Variants in UBFD1 observed in about 807,000 individuals in gnomAD.
The protein encoded by UBFD1 is ubiquitin domain-containing protein UBFD1.
A neutral mutation model predicts 35.1 loss-of-function variants in UBFD1; 12 were observed. The observed-to-expected ratio is 0.34, with a 90% CI of 0.22 to 0.55. The LOEUF is 0.55. UBFD1 is among the 20% of genes least tolerant of loss of function. The pLI, the probability that UBFD1 is intolerant of heterozygous loss-of-function variation, is 0.89. For synonymous variants in UBFD1, 178 were observed against 167.6 expected, an observed-to-expected ratio of 1.06 and a Z score of -0.48; for missense variants, 337 against 410.8, an observed-to-expected ratio of 0.82 and a Z score of 1.55.
intron 6 of UBFD1, 75 bp from the exon 7 acceptor site, chr16:23,570,405 C>G: frequency 9.5e-7 from 1 of 1,053,702 alleles, no homozygotes. Flanking sequence ...CATCCCAACC[C>G]TCACCCATGT....
At chr16:23,566,309 C>A (rs12447847) in intron 5 of UBFD1, 48,657 of 151,912 alleles carry the variant, frequency 0.32, 9,663 homozygotes, top group Non-Finnish European at 0.43. Context: ...AGACCTTAGT[C>A]AATGCTGGGC....
Position 23,558,025 on chromosome 16 carries a change from T to C in UBFD1, c.101T>C (p.Leu34Pro). The change falls in exon 2 of 7, where the codon CTG becomes CCG. Residue 34 changes from leucine (L) to proline (P), a missense_variant. Leu to Pro is a moderately conservative substitution (Grantham distance 98). Around this residue, in one of 4 missense-constraint regions of UBFD1, gnomAD observed 198 missense variants for 168.4 expected, o/e 1.18. Coordinates refer to ENST00000395878, the MANE Select transcript of UBFD1 (RefSeq NM_019116.3). Reference sequence around the variant, plus strand: ...GCTCCCGCGCGGCCCGTCAACTGCCTGGAGGCTGAAGCCGCGGCGGGGGCG... The same window carrying C: ...GCTCCCGCGCGGCCCGTCAACTGCCCGGAGGCTGAAGCCGCGGCGGGGGCG... ...TEAPARPVNC[L>P]EAEAAAGAAA... 7.4e-7 allele frequency: 1 copy of C among 1,357,248 alleles called. No individual in the cohort carries two copies. The highest frequency in any genetic ancestry group is 9.4e-7 in the Non-Finnish European group (1 of 1,059,336). 84.1% of individuals were successfully genotyped at this position (1,357,248 alleles called of 1,614,324 possible).
chr16:23,567,154 C>T (rs1055054583), intron 6 of UBFD1, 85 bp downstream of exon 6: 16 of 1,293,342 alleles, frequency 1.2e-5, no homozygotes, highest in African/African-American at 5.9e-5. Context: ...GCTTGTTTAA[C>T]GGAAGAAAAC....
At chr16:23,559,929 C>G in intron 3 of UBFD1, 2 of 1,458,304 alleles carry the variant, frequency 1.4e-6, no homozygotes, top group East Asian at 5.0e-5. Flanking sequence ...AGGCTTCAGA[C>G]CATGTGTTGA....
In UBFD1 at chr16:23,558,200, G is replaced by T. The variant is rs747314835; in HGVS notation, c.276G>T (p.Trp92Cys). 3 of 1,611,084 alleles carry T rather than the reference G, an allele frequency of 1.9e-6. No homozygotes were observed. In the South Asian group the frequency reaches 3.3e-5, roughly 18 times the overall value. ...GRELVDLKIIWNKTKHDVKFP... is the reference protein window; with the variant it reads ...GRELVDLKIICNKTKHDVKFP... Reference sequence around the variant, plus strand: ...AGCTGGTGGACTTGAAGATCATCTGGAATAAGACCAAGCATGACGTGAAGT... The same window carrying T: ...AGCTGGTGGACTTGAAGATCATCTGTAATAAGACCAAGCATGACGTGAAGT... Residue 92 changes from tryptophan to cysteine, a missense_variant, in exon 2 of 7, where the codon TGG (tryptophan) becomes TGT (cysteine). This residue lies in a region of UBFD1 where 198 missense variants were observed against 168.4 expected (regional missense o/e 1.18). Coordinates refer to ENST00000395878, the MANE Select transcript of UBFD1 (RefSeq NM_019116.3).
At chr16:23,563,204 C>T (rs1250362047) in intron 5 of UBFD1, among the ~76,000 whole-genome samples, 2 of 152,018 alleles carry the variant, frequency 1.3e-5, no homozygotes, top group Non-Finnish European at 2.9e-5. Context: ...CTACAGTCTT[C>T]ATGGTCCCAT....
Position 23,571,151 on chromosome 16 carries a change from C to T in UBFD1, c.*561C>T, listed in dbSNP as rs1334133982. 1 of 152,480 alleles carries T rather than the reference C, an allele frequency of 6.6e-6. No homozygotes were observed. Among genetic ancestry groups the T allele is most frequent in the African/African-American group, 2.4e-5 (1 of 41,374 alleles). The allele number at this position is 152,480 out of a possible 1,614,324, so 9.4% of individuals were successfully genotyped here. On this transcript the variant is annotated 3_prime_UTR_variant, in exon 7 of 7. Transcript: ENST00000395878. Reference sequence around the variant, plus strand: ...TTTCCCTTTTTCATTCTCTCGCTTCCTCAATTTGAGTTTTTGTTTTAAGAA... The same window carrying T: ...TTTCCCTTTTTCATTCTCTCGCTTCTTCAATTTGAGTTTTTGTTTTAAGAA...
rs1446580258 is a variant in UBFD1 at position 23,570,655 on chromosome 16, C to T, written c.*65C>T. ...GAAGGACATTGCCGGGAGAGGCCTG[C>T]AGCATCCCTGGATTTCAGAGTTCTG... On this transcript the variant is annotated 3_prime_UTR_variant, in exon 7 of 7. Transcript: ENST00000395878. 1.5e-5 allele frequency: 19 copies of T among 1,307,090 alleles called. No individual in the cohort carries two copies. Among genetic ancestry groups the T allele is most frequent in the Non-Finnish European group, 2.1e-5 (19 of 910,110 alleles). 81.0% of individuals were successfully genotyped at this position (1,307,090 alleles called of 1,614,324 possible).
chr16:23,561,823 A>AT (rs5816219), intron 3 of UBFD1: 11,293 of 142,684 alleles, frequency 0.079, 653 homozygotes, highest in African/African-American at 0.16. Flanking sequence ...TTCAGTGGTG[A>AT]TTTTTTTTTT....
rs558904092 is a variant in UBFD1, at chr16:23,558,273, A to T, written c.349A>T (p.Ile117Phe). The change falls in exon 2 of 7, where the codon ATT becomes TTT. Residue 117 changes from isoleucine to phenylalanine, a missense_variant. Ile to Phe is a conservative substitution (Grantham distance 21, BLOSUM62 0). This residue lies in a region of UBFD1 where 24 missense variants were observed against 53.7 expected (regional missense o/e 0.45). Transcript: ENST00000395878. ...GSELKQKIHS[I>F]TGLPPAMQKV... is the part of the protein sequence containing the mutation. The stretch of plus-strand genomic sequence containing the variant: ...CGAGCTGAAACAGAAGATCCACTCG[A>T]TTACAGGTAATTCCTGTGGCGCTGA... 2 of 1,596,562 alleles carry T rather than the reference A, an allele frequency of 1.3e-6. No individual in the cohort carries two copies. The highest frequency in any genetic ancestry group is 4.7e-5 in the East Asian group (2 of 42,608).
rs202237406 is a variant in UBFD1 at position 23,562,637 on chromosome 16, A to T, written c.643A>T (p.Thr215Ser). ...SVKGAQERLP[T>S]VPLSGMYNKS... The stretch of plus-strand genomic sequence containing the variant: ...CTCGTGCCTTCAGGAGCGCCTGCCA[A>T]CGGTACCGCTGTCCGGCATGTACAA... Residue 215 changes from threonine (T) to serine (S), a missense_variant, in exon 5 of 7, where the codon ACG becomes TCG. Thr to Ser is a moderately conservative substitution (Grantham distance 58, BLOSUM62 1). Transcript: ENST00000395878. 6.2e-7 allele frequency: 1 copy of T among 1,613,674 alleles called. No individual in the cohort carries two copies. Among genetic ancestry groups the T allele is most frequent in the African/African-American group, 1.3e-5 (1 of 74,848 alleles).
chr16:23,572,281 G>GT lies in UBFD1; in HGVS notation c.*1697dup, dbSNP rs902547318. 2.0e-5 allele frequency: 3 copies of GT among 152,404 alleles called. No individual in the cohort carries two copies. Among genetic ancestry groups the GT allele is most frequent in the African/African-American group, 7.2e-5 (3 of 41,420 alleles). The allele number at this position is 152,404 out of a possible 1,614,324, so 9.4% of individuals were successfully genotyped here. ...AAGTGCAGCATCCAAGAAACAGCCT[G>GT]TTTTTTCATCCCTTGAGAAAGGAGC... is the stretch of plus-strand genomic sequence containing the variant. On this transcript the variant is annotated 3_prime_UTR_variant, in exon 7 of 7. Coordinates refer to ENST00000395878, the MANE Select transcript of UBFD1 (RefSeq NM_019116.3).
chr16:23,567,112 C>T (rs1966022082), intron 6 of UBFD1, 43 bp downstream of exon 6: 3 of 1,567,768 alleles, frequency 1.9e-6, no homozygotes, highest in Non-Finnish European at 2.6e-6. Flanking sequence ...ACTAGACTCC[C>T]ACTTCACCTG....
rs1965904103 is a variant in UBFD1 at position 23,559,874 on chromosome 16, T to G, written c.564+198T>G. On this transcript the variant is annotated intron_variant, in intron 3 of 6. Coordinates refer to ENST00000395878, the MANE Select transcript of UBFD1 (RefSeq NM_019116.3). ...AACTTTGTCTCATCTGGCGGGTCAG[T>G]GTGTCTCAAGTCTACCTACTTTAGG... The G allele has an allele frequency of 3.3e-6, 5 of 1,532,948 alleles. No individual in the cohort carries two copies. In the African/African-American group the frequency reaches 6.9e-5, roughly 21 times the overall value. The allele number at this position is 1,532,948 out of a possible 1,614,324, so 95.0% of individuals were successfully genotyped here.
chr16:23,559,167 A>T, intron 2 of UBFD1: 1 of 237,622 alleles, frequency 4.2e-6, no homozygotes, highest in Non-Finnish European at 8.3e-6. Context: ...ACTGAGGAAC[A>T]ACTTGGAAAG....
chr16:23,567,996 T>C (rs930223703), intron 6 of UBFD1, among the ~76,000 whole-genome samples: 8 of 152,248 alleles, frequency 5.3e-5, no homozygotes, highest in Non-Finnish European at 1.0e-4. Flanking sequence ...GCTTAAAATA[T>C]GGTGGGCAAG....
intron 5 of UBFD1, 77 bp from the exon 6 acceptor site, chr16:23,566,910 T>A (rs1966019336): frequency 1.4e-6 from 2 of 1,424,720 alleles, no homozygotes; most frequent in East Asian, 4.6e-5. Context: ...CCACCAGCCC[T>A]GATGAGGGAC....
chr16:23,568,147 T>A (rs1247175251), intron 6 of UBFD1, among the ~76,000 whole-genome samples: 3 of 148,818 alleles, frequency 2.0e-5, no homozygotes, highest in Non-Finnish European at 4.5e-5. Flanking sequence ...ACCCCTACTC[T>A]CTCTGTAGTC....
At chr16:23,558,960 T>C (rs1471084396) in intron 2 of UBFD1, 1 of 152,538 alleles carries the variant, frequency 6.6e-6, no homozygotes, top group East Asian at 1.9e-4. Context: ...TTTTTTATTT[T>C]ATCCACCCAC....
Sources: gnomAD v4.1 joint callset for allele counts (sites outside exome capture counted in the v4.1 genomes callset) on GRCh38, gnomAD v4.1.1 for gene constraint, gnomAD v4.1.1 regional missense constraint, MANE v1.5 for transcripts, NCBI Gene and HGNC (gene_info 2026-07-23, HGNC 2026-07-21) for gene names.